ADAMTS17: variants seen among roughly 807,000 people sequenced by gnomAD.
The protein encoded by ADAMTS17 is A disintegrin and metalloproteinase with thrombospondin motifs 17.
ADAMTS17 carries 113 observed loss-of-function variants against 141.5 expected under a neutral mutation model. The observed-to-expected ratio is 0.80, with a 90% CI of 0.69 to 0.93. The LOEUF is 0.93. ADAMTS17 is among the 40% of genes least tolerant of loss of function. The probability of loss-of-function intolerance (pLI) is 0.00; values close to 1 mark genes in which losing one functional copy is unlikely to be tolerated. For synonymous variants in ADAMTS17, 768 were observed against 630.6 expected, an observed-to-expected ratio of 1.22 and a Z score of -3.27; for missense variants, 1,659 against 1,517.9, an observed-to-expected ratio of 1.09 and a Z score of -1.54.
chr15:100,113,290 A>T (rs1386750336), intron 13 of ADAMTS17, among the ~76,000 whole-genome samples: 1 of 152,214 alleles, frequency 6.6e-6, no homozygotes, highest in Non-Finnish European at 1.5e-5. Context: ...TCAGAAATTC[A>T]AAAAGCTCTG....
chr15:100,189,680 G>A (rs964638181), intron 8 of ADAMTS17, among the ~76,000 whole-genome samples: 4 of 152,236 alleles, frequency 2.6e-5, no homozygotes, highest in African/African-American at 9.6e-5. Flanking sequence ...CTTGTCTTCA[G>A]TGTCTGAAGC....
intron 13 of ADAMTS17, among the ~76,000 whole-genome samples, chr15:100,109,844 C>T (rs895108239): frequency 2.6e-5 from 4 of 152,046 alleles, no homozygotes; most frequent in Non-Finnish European, 5.9e-5. Flanking sequence ...CTTCTACTGC[C>T]CTGGAAGCTT....
intron 15 of ADAMTS17, among the ~76,000 whole-genome samples, chr15:100,068,167 T>C (rs2033689047): frequency 6.6e-6 from 1 of 151,704 alleles, no homozygotes; most frequent in African/African-American, 2.4e-5. Context: ...AGCACAGCAG[T>C]CTGAGATCAA....
chr15:100,086,380 C>G (rs373108777), intron 15 of ADAMTS17, among the ~76,000 whole-genome samples: 15 of 151,064 alleles, frequency 9.9e-5, no homozygotes, highest in Admixed American at 5.2e-4. Context: ...GACTTAGACT[C>G]CCACACAATA....
At chr15:99,991,098 G>A (rs1349092641) in intron 20 of ADAMTS17, among the ~76,000 whole-genome samples, 2 of 152,134 alleles carry the variant, frequency 1.3e-5, no homozygotes, top group Admixed American at 1.3e-4. Context: ...TACCACTCAG[G>A]ACATAGGCAT....
chr15:99,974,231 A>AAT lies in ADAMTS17; in HGVS notation c.*169_*170dup. 1.3e-6 allele frequency: 1 copy of AAT among 765,688 alleles called. No homozygotes were observed. Among genetic ancestry groups the AAT allele is most frequent in the East Asian group, 2.7e-5 (1 of 37,310 alleles). The allele number at this position is 765,688 out of a possible 1,614,324, so 47.4% of individuals were successfully genotyped here. ...AGAAAGCCAGCCAGTGGCTGTTAAC[A>AAT]ATATATTAAGTACGGAAGCACTAAT... On this transcript the variant is annotated 3_prime_UTR_variant, in exon 22 of 22. Transcript: ENST00000268070.
chr15:100,036,651 A>G (rs1371646704), intron 18 of ADAMTS17, among the ~76,000 whole-genome samples: 1 of 152,260 alleles, frequency 6.6e-6, no homozygotes, highest in African/African-American at 2.4e-5. Context: ...GAAGCGCACA[A>G]TTCAATGGTT....
chr15:100,248,312 T>C (rs572887441), intron 7 of ADAMTS17, among the ~76,000 whole-genome samples: 1 of 152,100 alleles, frequency 6.6e-6, no homozygotes, highest in African/African-American at 2.4e-5. Context: ...GAGGCACGGG[T>C]AGGAGAAAAC....
intron 7 of ADAMTS17, among the ~76,000 whole-genome samples, chr15:100,233,867 G>A (rs1348180806): frequency 2.0e-5 from 3 of 152,094 alleles, no homozygotes; most frequent in East Asian, 1.9e-4. Flanking sequence ...TGGCTTCCCG[G>A]GAGTGAGCAC....
At chr15:100,252,723 T>C (rs1435349733) in intron 7 of ADAMTS17, among the ~76,000 whole-genome samples, 1 of 152,204 alleles carries the variant, frequency 6.6e-6, no homozygotes, top group Non-Finnish European at 1.5e-5. Context: ...AATTCCCTCA[T>C]GGAGACAGCC....
intron 7 of ADAMTS17, among the ~76,000 whole-genome samples, chr15:100,207,476 G>A (rs1401338470): frequency 6.6e-6 from 1 of 152,152 alleles, no homozygotes; most frequent in Non-Finnish European, 1.5e-5. Context: ...CCACGAGCAT[G>A]GCGGCCACCG....
At chr15:100,083,437 G>A (rs2034883273) in intron 15 of ADAMTS17, among the ~76,000 whole-genome samples, 1 of 152,164 alleles carries the variant, frequency 6.6e-6, no homozygotes, top group Non-Finnish European at 1.5e-5. Flanking sequence ...TTCCACCTGA[G>A]ATGTCCTTCT....
chr15:99,973,037 A>G lies in ADAMTS17; in HGVS notation c.*1365T>C, dbSNP rs2141249482. On this transcript the variant is annotated 3_prime_UTR_variant, in exon 22 of 22. Coordinates refer to ENST00000268070, the MANE Select transcript of ADAMTS17 (RefSeq NM_139057.4). ...GAAATGCCCACCAAGTTGGTGAGCA[A>G]AACAGGCCTCCTGGCATCTAGGGTC... is the stretch of plus-strand genomic sequence containing the variant. The G allele has an allele frequency of 6.6e-6, 1 of 152,260 alleles. No individual in the cohort carries two copies. Among genetic ancestry groups the G allele is most frequent in the South Asian group, 2.1e-4 (1 of 4,826 alleles). 9.4% of individuals were successfully genotyped at this position (152,260 alleles called of 1,614,324 possible).
intron 11 of ADAMTS17, 29 bp downstream of exon 11, chr15:100,133,185 G>C (rs368565173): frequency 3.2e-6 from 5 of 1,554,888 alleles, no homozygotes; most frequent in Non-Finnish European, 4.4e-6. Context: ...GGAGCTGCCT[G>C]TTGGGGGCAG....
chr15:100,264,082 A>T (rs1034076811), intron 4 of ADAMTS17, among the ~76,000 whole-genome samples: 10 of 152,254 alleles, frequency 6.6e-5, no homozygotes, highest in African/African-American at 2.2e-4. Context: ...TGTGTGACGT[A>T]ATATTCTTTC....
intron 2 of ADAMTS17, among the ~76,000 whole-genome samples, chr15:100,332,364 A>G (rs1407050644): frequency 1.3e-5 from 2 of 152,220 alleles, no homozygotes; most frequent in Non-Finnish European, 2.9e-5. Flanking sequence ...GGTGCAGAAC[A>G]CCCGAAAACT....
chr15:100,258,540 C>T (rs4408521), intron 6 of ADAMTS17, among the ~76,000 whole-genome samples: 2 of 151,996 alleles, frequency 1.3e-5, no homozygotes, highest in African/African-American at 2.4e-5. Flanking sequence ...GCACGTCTCA[C>T]ATGGCAGCAG....
In ADAMTS17 at chr15:100,161,086, C is replaced by T. The variant is rs562111115; in HGVS notation, c.1182-5766G>A. Among the ~76,000 whole-genome samples, 41 of 152,306 alleles carry T rather than the reference C, an allele frequency of 2.7e-4. 1 individual carries two copies. The South Asian group carries it at 4.6e-3, about 17-fold the overall frequency. ...GGGCACAGATGGGCCTTGTGTCTCA[C>T]GTGGCCCAGCTTTATCAGACACAGT... On this transcript the variant is annotated intron_variant, in intron 8 of 21. Coordinates refer to ENST00000268070, the MANE Select transcript of ADAMTS17 (RefSeq NM_139057.4).
At chr15:100,041,953 G>T (rs1044414000) in intron 18 of ADAMTS17, among the ~76,000 whole-genome samples, 1 of 152,110 alleles carries the variant, frequency 6.6e-6, no homozygotes, top group Non-Finnish European at 1.5e-5. Flanking sequence ...ACATAGAAAG[G>T]CTCTTTCACC....
Sources: gnomAD v4.1 joint callset for allele counts (sites outside exome capture counted in the v4.1 genomes callset) on GRCh38, gnomAD v4.1.1 for gene constraint, MANE v1.5 for transcripts, NCBI Gene and HGNC (gene_info 2026-07-23, HGNC 2026-07-21) for gene names.